Variants in UIMC1 observed in about 807,000 individuals in gnomAD.
UIMC1 encodes ubiquitin interaction motif containing 1, also known as BRCA1-A complex subunit RAP80.
A neutral mutation model predicts 84.9 loss-of-function variants in UIMC1; 42 were observed. The ratio of observed to expected loss-of-function variants is 0.49; its 90% confidence interval spans 0.39 to 0.64. The LOEUF is 0.64. UIMC1 is among the 30% of genes least tolerant of loss of function. The probability of loss-of-function intolerance (pLI) is 0.00; values close to 1 mark genes in which losing one functional copy is unlikely to be tolerated. For synonymous variants in UIMC1, 281 were observed against 293.0 expected (o/e 0.96, Z 0.42); for missense variants, 825 against 847.6 (o/e 0.97, Z 0.33).
chr5:176,976,876 A>G (rs1770156900), intron 2 of UIMC1, among the ~76,000 whole-genome samples: 1 of 152,200 alleles, frequency 6.6e-6, no homozygotes, highest in Non-Finnish European at 1.5e-5. Context: ...GGCACAGTAT[A>G]GTGTGGGGTG....
In UIMC1 at chr5:176,997,886, T is replaced by C. The variant is rs570166921; in HGVS notation, c.-9+8764A>G. 5.9e-5 allele frequency among the ~76,000 whole-genome samples: 9 copies of C among 152,244 alleles called. No homozygotes were observed. In the East Asian group the frequency reaches 1.7e-3, roughly 29 times the overall value. On this transcript the variant is annotated intron_variant, in intron 1 of 14. Coordinates refer to ENST00000511320, the MANE Select transcript of UIMC1 (RefSeq NM_001199298.2). The stretch of plus-strand genomic sequence containing the variant: ...ATGAGGCCTCTATACTTGCTTCTTA[T>C]GAATGGAAGATTCCCCAACATTCCC...
At chr5:176,979,376 T>C (rs746014543) in intron 2 of UIMC1, among the ~76,000 whole-genome samples, 3 of 152,042 alleles carry the variant, frequency 2.0e-5, no homozygotes, top group Middle Eastern at 3.2e-3. Context: ...CCCAACACTT[T>C]GGGGTGTATC....
At chr5:177,006,223 C>G (rs1362348988) in intron 1 of UIMC1, 2 of 152,324 alleles carry the variant, frequency 1.3e-5, no homozygotes, top group African/African-American at 4.8e-5. Context: ...AAAGCCCAAC[C>G]TGGCGTTCCG....
chr5:177,010,919 G>A (rs1355407388), upstream of UIMC1, among the ~76,000 whole-genome samples: 1 of 152,070 alleles, frequency 6.6e-6, no homozygotes, highest in Non-Finnish European at 1.5e-5. Context: ...TGGGCCAAGT[G>A]TGGTGACTTA....
intron 1 of UIMC1, among the ~76,000 whole-genome samples, chr5:177,016,283 G>A (rs923116095): frequency 6.6e-6 from 1 of 152,076 alleles, no homozygotes; most frequent in Non-Finnish European, 1.5e-5. Context: ...AGAATCGCTT[G>A]AACCTGGGAG....
intron 1 of UIMC1, among the ~76,000 whole-genome samples, chr5:176,993,736 G>A (rs976629887): frequency 2.6e-5 from 4 of 152,014 alleles, no homozygotes; most frequent in African/African-American, 9.7e-5. Flanking sequence ...TGCCAGGCGC[G>A]GTGGCTCACG....
intron 10 of UIMC1, among the ~76,000 whole-genome samples, chr5:176,932,788 C>G (rs906794301): frequency 2.6e-5 from 4 of 152,054 alleles, no homozygotes; most frequent in Non-Finnish European, 5.9e-5. Context: ...CCCTGCTGAC[C>G]CCCGGTGACC....
At chr5:176,923,335 A>G (rs10052228) in intron 10 of UIMC1, among the ~76,000 whole-genome samples, 14,900 of 152,184 alleles carry the variant, frequency 0.098, 1,523 homozygotes, top group African/African-American at 0.26. Context: ...AACAGTAGGA[A>G]TAAGACTGAA....
intron 10 of UIMC1, among the ~76,000 whole-genome samples, chr5:176,941,470 C>CA (rs1408964218): frequency 1.1e-4 from 17 of 152,110 alleles, no homozygotes; most frequent in Non-Finnish European, 2.4e-4. Flanking sequence ...GAAAAATCAA[C>CA]AAATTTATTA....
At chr5:177,019,760 C>T (rs540705515) in intron 1 of UIMC1, among the ~76,000 whole-genome samples, 13 of 152,098 alleles carry the variant, frequency 8.5e-5, no homozygotes, top group Non-Finnish European at 1.5e-4. Flanking sequence ...GATGAAACCC[C>T]GTCTCTACTA....
At chr5:176,920,985 T>C (rs2149405704) in intron 10 of UIMC1, among the ~76,000 whole-genome samples, 1 of 152,238 alleles carries the variant, frequency 6.6e-6, no homozygotes, top group African/African-American at 2.4e-5. Context: ...TTTATTGTCA[T>C]GAAGGAGTAT....
At chr5:176,919,661 T>C (rs1026815529) in intron 10 of UIMC1, among the ~76,000 whole-genome samples, 2 of 152,216 alleles carry the variant, frequency 1.3e-5, no homozygotes. Context: ...TGATCTATTT[T>C]CATACGTAGT....
intron 10 of UIMC1, among the ~76,000 whole-genome samples, chr5:176,930,720 TATGC>T (rs1431879093): frequency 6.6e-6 from 1 of 152,226 alleles, no homozygotes; most frequent in African/African-American, 2.4e-5. Flanking sequence ...GAGATCAGTC[TATGC>T]ATGGTCAATC....
intron 1 of UIMC1, among the ~76,000 whole-genome samples, chr5:177,003,242 T>C (rs976199618): frequency 3.3e-5 from 5 of 152,164 alleles, no homozygotes; most frequent in African/African-American, 1.2e-4. Flanking sequence ...ATATTTTATA[T>C]CCCAGTTTAT....
intron 6 of UIMC1, among the ~76,000 whole-genome samples, chr5:176,959,209 C>T (rs1766993196): frequency 6.6e-6 from 1 of 152,202 alleles, no homozygotes; most frequent in Non-Finnish European, 1.5e-5. Flanking sequence ...CTGTCTCTTC[C>T]TTTGAACTCA....
At chr5:177,011,377 C>G (rs561036020), upstream of UIMC1, among the ~76,000 whole-genome samples, 1 of 151,968 alleles carries the variant, frequency 6.6e-6, no homozygotes, top group African/African-American at 2.4e-5. Context: ...TGAATAGCCA[C>G]TATACTCCAG....
chr5:176,972,030 T>C (rs1017732628), intron 3 of UIMC1, among the ~76,000 whole-genome samples: 4 of 152,200 alleles, frequency 2.6e-5, no homozygotes, highest in African/African-American at 4.8e-5. Flanking sequence ...GATAAAATAA[T>C]AGAATTGCTT....
intron 10 of UIMC1, among the ~76,000 whole-genome samples, chr5:176,913,615 T>C (rs542799734): frequency 3.3e-5 from 5 of 152,356 alleles, no homozygotes; most frequent in Middle Eastern, 3.4e-3. Flanking sequence ...AATCCTGGTA[T>C]ACTACTGGCT....
chr5:177,021,193 G>C (rs1775803046), intron 1 of UIMC1, among the ~76,000 whole-genome samples: 1 of 152,174 alleles, frequency 6.6e-6, no homozygotes, highest in Non-Finnish European at 1.5e-5. Context: ...CTGGAGAATT[G>C]CTTGAACCCG....
Sources: gnomAD v4.1 joint callset for allele counts (sites outside exome capture counted in the v4.1 genomes callset) on GRCh38, gnomAD v4.1.1 for gene constraint, MANE v1.5 for transcripts, NCBI Gene and HGNC (gene_info 2026-07-23, HGNC 2026-07-21) for gene names.